C1QTNF7: variants seen among roughly 807,000 people sequenced by gnomAD.
C1QTNF7 encodes the protein complement C1q tumor necrosis factor-related protein 7.
C1QTNF7 carries 15 observed loss-of-function variants against 19.6 expected under a neutral mutation model. The ratio of observed to expected loss-of-function variants is 0.76; its 90% CI spans 0.51 to 1.18. The LOEUF (loss-of-function observed/expected upper bound fraction) is 1.18. Ranked by LOEUF, C1QTNF7 falls within the 50% of genes most tolerant of loss-of-function variation. C1QTNF7 has a pLI of 0.00. For missense variants in C1QTNF7, 324 were observed against 359.7 expected (o/e 0.90, Z 0.80); for synonymous variants, 142 against 137.5 (o/e 1.03, Z -0.23).
At chr4:15,396,515 A>G (rs1168784963) in intron 1 of C1QTNF7, among the ~76,000 whole-genome samples, 3 of 152,200 alleles carry the variant, frequency 2.0e-5, no homozygotes, top group Admixed American at 1.3e-4. Flanking sequence ...TTATTTATTG[A>G]GCACCAAGCA....
chr4:15,353,503 G>A (rs1157035911), intron 1 of C1QTNF7, among the ~76,000 whole-genome samples: 2 of 152,176 alleles, frequency 1.3e-5, no homozygotes, highest in Admixed American at 6.5e-5. Context: ...ACCTCAAATA[G>A]AGCTTGTGTA....
At chr4:15,401,648 T>C (rs894663290) in intron 1 of C1QTNF7, among the ~76,000 whole-genome samples, 1 of 152,134 alleles carries the variant, frequency 6.6e-6, no homozygotes, top group African/African-American at 2.4e-5. Context: ...TCTTCAGTCT[T>C]AAATGAATCA....
At chr4:15,409,481 T>C (rs1013017316) in intron 1 of C1QTNF7, among the ~76,000 whole-genome samples, 1 of 152,250 alleles carries the variant, frequency 6.6e-6, no homozygotes, top group Admixed American at 6.5e-5. Context: ...AAGATGAATG[T>C]GGAAGAAAGA....
chr4:15,405,891 T>C (rs1719178055), intron 1 of C1QTNF7, among the ~76,000 whole-genome samples: 1 of 152,162 alleles, frequency 6.6e-6, no homozygotes, highest in Non-Finnish European at 1.5e-5. Flanking sequence ...CTCCTTCCTG[T>C]GGTGATTGCC....
intron 1 of C1QTNF7, among the ~76,000 whole-genome samples, chr4:15,380,233 A>G (rs749338563): frequency 3.9e-5 from 6 of 152,224 alleles, no homozygotes; most frequent in African/African-American, 7.2e-5. Context: ...ATCAGCTAGG[A>G]TTGTATTTGT....
At chr4:15,415,043 A>T (rs1216610166) in intron 1 of C1QTNF7, among the ~76,000 whole-genome samples, 1 of 152,272 alleles carries the variant, frequency 6.6e-6, no homozygotes, top group Non-Finnish European at 1.5e-5. Flanking sequence ...TAAGATTAAT[A>T]GACATGCTGA....
intron 1 of C1QTNF7, among the ~76,000 whole-genome samples, chr4:15,433,540 G>A (rs1333060482): frequency 6.6e-6 from 1 of 152,140 alleles, no homozygotes; most frequent in Non-Finnish European, 1.5e-5. Flanking sequence ...AAAATTAAAT[G>A]TCCATTTTAA....
intron 1 of C1QTNF7, among the ~76,000 whole-genome samples, chr4:15,431,571 T>C (rs17385047): frequency 0.27 from 40,791 of 152,212 alleles, 6,249 homozygotes; most frequent in Middle Eastern, 0.36. Flanking sequence ...GTATTTGTAT[T>C]TCTCAAACAC....
intron 1 of C1QTNF7, among the ~76,000 whole-genome samples, chr4:15,433,223 G>T (rs1476521553): frequency 1.3e-5 from 2 of 152,002 alleles, no homozygotes; most frequent in Non-Finnish European, 1.5e-5. Flanking sequence ...TTGCTATGTT[G>T]CCCAGGCTCC....
At chr4:15,389,112 T>C (rs1242306202) in intron 1 of C1QTNF7, among the ~76,000 whole-genome samples, 1 of 152,182 alleles carries the variant, frequency 6.6e-6, no homozygotes, top group Admixed American at 6.5e-5. Context: ...ACAGGGGACT[T>C]TGCTGATGAG....
chr4:15,395,221 T>C (rs910960188), intron 1 of C1QTNF7, among the ~76,000 whole-genome samples: 3 of 152,006 alleles, frequency 2.0e-5, no homozygotes, highest in South Asian at 2.1e-4. Flanking sequence ...CTTTGGAGCA[T>C]AGGGACTGTC....
intron 1 of C1QTNF7, among the ~76,000 whole-genome samples, chr4:15,342,315 G>A (rs1268351848): frequency 2.0e-5 from 3 of 152,112 alleles, no homozygotes; most frequent in African/African-American, 4.8e-5. Context: ...TCCACGTTTC[G>A]GGCCACAAGT....
intron 1 of C1QTNF7, among the ~76,000 whole-genome samples, chr4:15,357,746 C>G (rs1717196914): frequency 6.6e-6 from 1 of 152,042 alleles, no homozygotes; most frequent in African/African-American, 2.4e-5. Flanking sequence ...TCTTTGTGTC[C>G]TCTCTTATTT....
At chr4:15,428,773 G>C (rs574283110) in intron 1 of C1QTNF7, among the ~76,000 whole-genome samples, 1 of 152,184 alleles carries the variant, frequency 6.6e-6, no homozygotes. Context: ...GCCACTCCCA[G>C]TGCAACAAGA....
intron 1 of C1QTNF7, among the ~76,000 whole-genome samples, chr4:15,347,974 T>C (rs961265409): frequency 3.7e-4 from 57 of 152,334 alleles, no homozygotes; most frequent in African/African-American, 1.3e-3. Flanking sequence ...ACTCTAGTTC[T>C]CTGAGCTCTG....
chr4:15,399,404 G>C (rs578124284), intron 1 of C1QTNF7, among the ~76,000 whole-genome samples: 2 of 152,104 alleles, frequency 1.3e-5, no homozygotes, highest in African/African-American at 4.8e-5. Context: ...TGTAGGCTCC[G>C]CAGATAGTAG....
rs139249746 is a variant in C1QTNF7 at position 15,352,723 on chromosome 4, GTT to G, written c.13+12519_13+12520del. Among the ~76,000 whole-genome samples, 339 of 152,274 alleles carry G rather than the reference GTT, an allele frequency of 2.2e-3. 3 individuals are homozygous for G. The highest frequency in any genetic ancestry group is 7.9e-3 in the African/African-American group (327 of 41,564). ...AGCATCTTGCACTAAGGGCTGTTGG[GTT>G]TTGGATAGGAGTGGCCATTCTCAGC... On this transcript the variant is annotated intron_variant, in intron 1 of 2. Coordinates refer to the C1QTNF7 transcript ENST00000295297.
intron 1 of C1QTNF7, among the ~76,000 whole-genome samples, chr4:15,411,433 A>G (rs7681816): frequency 0.37 from 56,237 of 152,070 alleles, 10,564 homozygotes; most frequent in East Asian, 0.55. Flanking sequence ...GGATCTCTTT[A>G]AAACACACCA....
chr4:15,342,323 A>G (rs1178195400), intron 1 of C1QTNF7, among the ~76,000 whole-genome samples: 4 of 152,154 alleles, frequency 2.6e-5, no homozygotes, highest in Non-Finnish European at 4.4e-5. Context: ...TCGGGCCACA[A>G]GTTTGTGAAC....
Sources: allele counts gnomAD v4.1 joint callset (sites outside exome capture counted in the v4.1 genomes callset), GRCh38; gene constraint gnomAD v4.1.1; transcripts MANE v1.5; gene names NCBI Gene and HGNC (gene_info 2026-07-23, HGNC 2026-07-21).